The following TONSL variants were observed in gnomAD, a reference collection of about 807,000 sequenced individuals.
TONSL encodes tonsoku like, DNA repair protein, also known as tonsoku-like protein.
A neutral mutation model predicts 147.1 loss-of-function variants in TONSL; 112 were observed. That is an observed-to-expected ratio of 0.76 (90% CI 0.65 to 0.89). TONSL has a LOEUF of 0.89. Among genes scored for constraint, TONSL ranks in the 40% least tolerant of loss-of-function variants. The probability of loss-of-function intolerance (pLI) is 0.00; values close to 1 mark genes in which losing one functional copy is unlikely to be tolerated. For synonymous variants in TONSL, 868 were observed against 801.5 expected (o/e 1.08, Z -1.40); for missense variants, 1,883 against 1,864.6 (o/e 1.01, Z -0.18).
chr8:144,442,902 C>T (rs1215923730), intron 4 of TONSL, 96 bp from the exon 5 acceptor site: 23 of 1,464,216 alleles, frequency 1.6e-5, no homozygotes, highest in Non-Finnish European at 2.0e-5. Flanking sequence ...CCTCTCCTAC[C>T]CCCTCCCTCC....
At chr8:144,438,442 C>T in intron 13 of TONSL, 29 bp downstream of exon 13, 9 of 1,606,064 alleles carry the variant, frequency 5.6e-6, no homozygotes, top group Non-Finnish European at 7.7e-6. Context: ...TGCTAGGCAG[C>T]CTGTCCCACG....
intron 3 of TONSL, 86 bp from the exon 4 acceptor site, chr8:144,443,407 C>T (rs1269132427): frequency 3.0e-6 from 4 of 1,349,556 alleles, no homozygotes; most frequent in African/African-American, 1.5e-5. Context: ...CCTGTTCTTG[C>T]TAAGGAAAGA....
Position 144,435,170 on chromosome 8 carries a change from G to A in TONSL, c.2853C>T (p.Ser951=). Residue 951 remains serine (S), a splice_region_variant and synonymous_variant, in exon 19 of 26, where the codon AGC becomes AGT. Transcript: ENST00000409379. ...GCCAGGCCACAGAGTGGGTGTCACT[G>A]CTGCAGGGACAGAGGCGCTGCTGCT... ...DHLFLIPVPH[S]SDTHSVAWLA... The A allele has an allele frequency of 6.5e-7, 1 of 1,540,168 alleles. No homozygotes were observed. Among genetic ancestry groups the A allele is most frequent in the Non-Finnish European group, 8.7e-7 (1 of 1,144,504 alleles).
chr8:144,443,417 A>C (rs1823792435), intron 3 of TONSL, 96 bp from the exon 4 acceptor site: 9 of 1,269,792 alleles, frequency 7.1e-6, no homozygotes, highest in Non-Finnish European at 8.6e-6. Flanking sequence ...CTAAGGAAAG[A>C]GCCTGCTCCC....
rs1586695625 is a variant in TONSL, at chr8:144,441,051, C to A, written c.926G>T (p.Gly309Val). 1 of 1,613,014 alleles carries A rather than the reference C, an allele frequency of 6.2e-7. No homozygotes were observed. ...TAGCTGCTCACAGATGACCATGGCA[C>A]CCTGAGGGTCTCTGCCCTCAGCCTC... ...LEEAEGRDPQ[G>V]AMVICEQLGD... is the part of the protein sequence containing the mutation. The change falls in exon 8 of 26, where the codon GGT (glycine) becomes GTT (valine). Residue 309 changes from glycine (G) to valine (V), a missense_variant. Physicochemically the swap from Gly to Val is moderately radical, Grantham distance 109. Transcript: ENST00000409379.
At position 144,429,024 on chromosome 8, in the gene TONSL, C is replaced by T; in HGVS notation, c.*119G>A. Reference sequence around the variant, plus strand: ...CAGGATGGTCTCGATCTCCTGACCTCGTGATCCGCCCGCCTGGGCCTCCCA... The same window carrying T: ...CAGGATGGTCTCGATCTCCTGACCTTGTGATCCGCCCGCCTGGGCCTCCCA... On this transcript the variant is annotated 3_prime_UTR_variant, in exon 26 of 26. Coordinates refer to ENST00000409379, the MANE Select transcript of TONSL (RefSeq NM_013432.5). 5.0e-6 allele frequency: 6 copies of T among 1,193,628 alleles called. No homozygotes were observed. The highest frequency in any genetic ancestry group is 6.7e-6 in the Non-Finnish European group (6 of 892,714). The allele number at this position is 1,193,628 out of a possible 1,614,324, so 73.9% of individuals were successfully genotyped here.
chr8:144,444,196 CT>C lies in TONSL; in HGVS notation c.104del (p.Glu35GlyfsTer123). The C allele has an allele frequency of 6.9e-7, 1 of 1,454,118 alleles. No homozygotes were observed. Among genetic ancestry groups the C allele is most frequent in the Non-Finnish European group, 9.0e-7 (1 of 1,106,706 alleles). 90.1% of individuals were successfully genotyped at this position (1,454,118 alleles called of 1,614,324 possible). Reference protein sequence around the residue: ...EEAALCHQLGELLAGHGRYAE... With the variant: ...EEAALCHQLGXLLAGHGRYAE... Reference sequence around the variant, plus strand: ...GGCGCTCACCATGGCCGGCCAGGAGCTCCCCCAGCTGGTGGCACAGCGCGGC... The same window carrying C: ...GGCGCTCACCATGGCCGGCCAGGAGCCCCCCAGCTGGTGGCACAGCGCGGC... On this transcript the variant is annotated frameshift_variant, in exon 2 of 26. Coordinates refer to ENST00000409379, the MANE Select transcript of TONSL (RefSeq NM_013432.5). LOFTEE classifies it high-confidence loss of function.
intron 3 of TONSL, 101 bp from the exon 4 acceptor site, chr8:144,443,422 G>T: frequency 8.2e-7 from 1 of 1,224,144 alleles, no homozygotes; most frequent in Non-Finnish European, 1.1e-6. Context: ...GAAAGAGCCT[G>T]CTCCCCCTAA....
rs368364600 is a variant in TONSL at position 144,431,118 on chromosome 8, C to T, written c.3769G>A (p.Ala1257Thr). 1.2e-6 allele frequency: 2 copies of T among 1,614,008 alleles called. No individual in the cohort carries two copies. Among genetic ancestry groups the T allele is most frequent in the Admixed American group, 1.7e-5 (1 of 60,010 alleles). Residue 1257 changes from alanine (A) to threonine (T), a missense_variant, in exon 24 of 26, where the codon GCA (alanine) becomes ACA (threonine). Coordinates refer to ENST00000409379, the MANE Select transcript of TONSL (RefSeq NM_013432.5). ...ACAGCCTTGTCCCCCAGGTGGTTTG[C>T]AGACAGGGTCAGGTGGGCTAGAGCA... ...GCALAHLTLS[A>T]NHLGDKAVRD...
rs1306924083 is a variant in TONSL, at chr8:144,438,659, C to T, written c.1557G>A (p.Gly519=). 1.2e-6 allele frequency: 2 copies of T among 1,613,162 alleles called. No individual in the cohort carries two copies. Among genetic ancestry groups the T allele is most frequent in the Non-Finnish European group, 1.7e-6 (2 of 1,179,950 alleles). Residue 519 remains glycine (G), a synonymous_variant, in exon 12 of 26, where the codon GGG becomes GGA. Coordinates refer to ENST00000409379, the MANE Select transcript of TONSL (RefSeq NM_013432.5). ...ELQGHLGRRK[G]SKWNRRNDMG... The stretch of plus-strand genomic sequence containing the variant: ...GGCAGGGCACTGTCCTCACCTTGCT[C>T]CCCTTCCGCCGGCCCAGGTGGCCCT...
chr8:144,429,237 T>G lies in TONSL; in HGVS notation c.4043A>C (p.Asp1348Ala). ...QLCSRRLCAEDRDALRQLQPS... is the reference protein window; with the variant it reads ...QLCSRRLCAEARDALRQLQPS... ...CTGCAGCTGGCGCAGGGCGTCCCTG[T>G]CCTCAGCGCAGAGGCGTCTGCTGCA... is the stretch of plus-strand genomic sequence containing the variant. Residue 1348 changes from aspartate to alanine, a missense_variant, in exon 26 of 26, where the codon GAC becomes GCC. By Grantham distance (126) the Asp-to-Ala change is moderately radical. Coordinates refer to ENST00000409379, the MANE Select transcript of TONSL (RefSeq NM_013432.5). 7 of 1,534,914 alleles carry G rather than the reference T, an allele frequency of 4.6e-6. No individual in the cohort carries two copies. Among genetic ancestry groups the G allele is most frequent in the Non-Finnish European group, 6.1e-6 (7 of 1,143,794 alleles).
Position 144,435,124 on chromosome 8 carries a change from G to T in TONSL, c.2899C>A (p.Arg967Ser), listed in dbSNP as rs753171653. The T allele has an allele frequency of 1.3e-6, 2 of 1,585,052 alleles. No homozygotes were observed. Among genetic ancestry groups the T allele is most frequent in the Non-Finnish European group, 1.7e-6 (2 of 1,166,338 alleles). The change falls in exon 19 of 26, where the codon CGC becomes AGC. Residue 967 changes from arginine (R) to serine (S), a missense_variant. Physicochemically the swap from Arg to Ser is moderately radical, Grantham distance 110. Transcript: ENST00000409379. ...VAWLAEQAAQRYYQTCGLLPR... is the reference protein window; with the variant it reads ...VAWLAEQAAQSYYQTCGLLPR... ...AGCAGCCCGCAGGTCTGGTAGTAGC[G>T]CTGGGCCGCCTGCTCGGCCAGCCAG...
In TONSL at chr8:144,429,201, G is replaced by A. The variant is rs782728097; in HGVS notation, c.4079C>T (p.Pro1360Leu). Residue 1360 changes from proline to leucine, a missense_variant, in exon 26 of 26, where the codon CCG becomes CTG. By Grantham distance (98) the Pro-to-Leu change is moderately conservative. Transcript: ENST00000409379. Reference sequence around the variant, plus strand: ...GTCCAGCGTGCACTCGCCGGGGCCCGGCCGACTGGGCTGCAGCTGGCGCAG... The same window carrying A: ...GTCCAGCGTGCACTCGCCGGGGCCCAGCCGACTGGGCTGCAGCTGGCGCAG... ...DALRQLQPSRPGPGECTLDHG... is the reference protein window; with the variant it reads ...DALRQLQPSRLGPGECTLDHG... 1.3e-5 allele frequency: 20 copies of A among 1,534,788 alleles called. 1 individual carries two copies. The South Asian group carries it at 2.0e-4, about 16-fold the overall frequency.
At chr8:144,432,813 G>T (rs1320030022) in intron 22 of TONSL, 1 of 193,552 alleles carries the variant, frequency 5.2e-6, no homozygotes, top group Non-Finnish European at 1.1e-5. Context: ...CCAGCCTCTT[G>T]GCACTGGGAC....
chr8:144,431,509 T>G (rs1823191343), intron 23 of TONSL, among the ~76,000 whole-genome samples: 1 of 151,988 alleles, frequency 6.6e-6, no homozygotes, highest in African/African-American at 2.4e-5. Flanking sequence ...CCCAGCTGTT[T>G]TTTTCTTTTT....
At chr8:144,430,338 C>G in intron 25 of TONSL, 66 bp downstream of exon 25, 2 of 1,456,252 alleles carry the variant, frequency 1.4e-6, no homozygotes, top group Non-Finnish European at 1.8e-6. Context: ...GAGGAGGCAC[C>G]TGGGTCTCAG....
chr8:144,436,498 G>A (rs1209987449), intron 16 of TONSL, 60 bp downstream of exon 16: 2 of 1,577,166 alleles, frequency 1.3e-6, no homozygotes, highest in East Asian at 4.5e-5. Context: ...CCCGAAATCA[G>A]GGCCCGGGGA....
Position 144,429,328 on chromosome 8 carries a change from C to T in TONSL, c.3952G>A (p.Val1318Ile), listed in dbSNP as rs189786044. 617 of 1,447,060 alleles carry T rather than the reference C, an allele frequency of 4.3e-4. 7 individuals are homozygous for T. The East Asian group carries it at 8.9e-3, about 21-fold the overall frequency. 89.6% of individuals were successfully genotyped at this position (1,447,060 alleles called of 1,614,324 possible). A position where few individuals can be genotyped will look rare whatever the true frequency, so the allele number is the denominator to read the frequency against. Residue 1318 changes from valine to isoleucine, a missense_variant, in exon 26 of 26, where the codon GTC (valine) becomes ATC (isoleucine). Transcript: ENST00000409379. ...AGGCCCAGGCCCAGGGGACCCTGGA[C>T]GGCGCAGCCTGCGGAGGGGAAGAGG... is the stretch of plus-strand genomic sequence containing the variant. ...LSFLGLSGCAVQGPLGLGLWD... is the reference protein window; with the variant it reads ...LSFLGLSGCAIQGPLGLGLWD...
chr8:144,435,888 G>A lies in TONSL; in HGVS notation c.2545C>T (p.Arg849Cys), dbSNP rs371172887. Residue 849 changes from arginine to cysteine, a missense_variant, in exon 17 of 26, where the codon CGC becomes TGC. Coordinates refer to ENST00000409379, the MANE Select transcript of TONSL (RefSeq NM_013432.5). ...DMPLTRSRRP[R>C]PRGTGDNRRP... ...CGGTTGTCTCCAGTGCCCCGGGGGC[G>A]GGGCCGGCGGCTGCGGGTCAGGGGC... is the stretch of plus-strand genomic sequence containing the variant. The A allele has an allele frequency of 1.4e-5, 23 of 1,598,574 alleles. No individual in the cohort carries two copies. The East Asian group carries it at 2.0e-4, about 14-fold the overall frequency.
Sources: allele counts gnomAD v4.1 joint callset (sites outside exome capture counted in the v4.1 genomes callset), GRCh38; gene constraint gnomAD v4.1.1; transcripts MANE v1.5; gene names NCBI Gene and HGNC (gene_info 2026-07-23, HGNC 2026-07-21).